MACROD2: variants seen among roughly 807,000 people sequenced by gnomAD.
The protein encoded by MACROD2 is mono-ADP ribosylhydrolase 2.
Under a neutral mutation model 70.4 loss-of-function variants are expected in MACROD2, and 36 were observed. The ratio of observed to expected loss-of-function variants is 0.51; its 90% CI spans 0.39 to 0.68. The LOEUF (loss-of-function observed/expected upper bound fraction) is 0.68. Among genes scored for constraint, MACROD2 ranks in the 30% least tolerant of loss-of-function variants. The pLI is 0.00. For synonymous variants in MACROD2, 172 were observed against 178.8 expected (o/e 0.96, Z 0.30); for missense variants, 496 against 538.4 (o/e 0.92, Z 0.78).
chr20:15,782,430 T>C (rs2051849387), intron 8 of MACROD2, among the ~76,000 whole-genome samples: 1 of 152,122 alleles, frequency 6.6e-6, no homozygotes. Context: ...AGGTCACTCA[T>C]GTAGCTACAT....
chr20:14,974,200 T>C (rs889054132), intron 5 of MACROD2, among the ~76,000 whole-genome samples: 2 of 152,000 alleles, frequency 1.3e-5, no homozygotes, highest in African/African-American at 2.4e-5. Flanking sequence ...GATAGCGGAG[T>C]AGGGGATTGT....
At chr20:15,646,088 A>G (rs1278535756) in intron 8 of MACROD2, among the ~76,000 whole-genome samples, 1 of 152,088 alleles carries the variant, frequency 6.6e-6, no homozygotes, top group Non-Finnish European at 1.5e-5. Context: ...TTCTTTTGTG[A>G]TTCACAGTGG....
At chr20:14,961,351 A>G (rs1251013238) in intron 5 of MACROD2, among the ~76,000 whole-genome samples, 2 of 152,192 alleles carry the variant, frequency 1.3e-5, no homozygotes, top group Non-Finnish European at 2.9e-5. Context: ...ATTTTCAGGA[A>G]TTATAGAATA....
chr20:14,655,498 C>G (rs541767302), intron 4 of MACROD2, among the ~76,000 whole-genome samples: 1 of 152,068 alleles, frequency 6.6e-6, no homozygotes, highest in Middle Eastern at 3.4e-3. Context: ...TTGGTCGGGT[C>G]TTGGTGTTAA....
chr20:15,192,727 T>C (rs1170942163), intron 5 of MACROD2, among the ~76,000 whole-genome samples: 2 of 152,334 alleles, frequency 1.3e-5, no homozygotes, highest in East Asian at 3.9e-4. Context: ...AGATCAAGTT[T>C]TACAGCAGCA....
At chr20:14,666,445 A>G (rs1183204384) in intron 4 of MACROD2, among the ~76,000 whole-genome samples, 1 of 152,124 alleles carries the variant, frequency 6.6e-6, no homozygotes, top group African/African-American at 2.4e-5. Context: ...TCTGTGCGAC[A>G]GAGCTCAGTA....
At chr20:15,636,861 A>G (rs1271449080) in intron 8 of MACROD2, among the ~76,000 whole-genome samples, 1 of 152,218 alleles carries the variant, frequency 6.6e-6, no homozygotes, top group East Asian at 1.9e-4. Flanking sequence ...GAGCTGTCAC[A>G]TGGGAGAGAT....
intron 6 of MACROD2, among the ~76,000 whole-genome samples, chr20:15,232,848 T>C (rs1909620971): frequency 6.6e-6 from 1 of 152,092 alleles, no homozygotes; most frequent in African/African-American, 2.4e-5. Flanking sequence ...GGATCCAACA[T>C]ATATATTCTT....
chr20:15,313,177 T>C (rs1338704234), intron 6 of MACROD2, among the ~76,000 whole-genome samples: 1 of 152,028 alleles, frequency 6.6e-6, no homozygotes, highest in Admixed American at 6.6e-5. Flanking sequence ...ATTTCAAAAG[T>C]TTTCACTGAA....
chr20:14,205,651 A>T (rs1335052167), intron 3 of MACROD2, among the ~76,000 whole-genome samples: 3 of 152,118 alleles, frequency 2.0e-5, no homozygotes, highest in African/African-American at 7.2e-5. Flanking sequence ...GTGCTAATGA[A>T]CTTGGTGGGT....
At chr20:15,907,682 C>T (rs1221599180) in intron 10 of MACROD2, among the ~76,000 whole-genome samples, 1 of 152,170 alleles carries the variant, frequency 6.6e-6, no homozygotes, top group Admixed American at 6.5e-5. Flanking sequence ...TGAGTGTGGA[C>T]AGTCATTTTG....
intron 3 of MACROD2, among the ~76,000 whole-genome samples, chr20:14,116,313 T>C (rs1380345771): frequency 6.6e-6 from 1 of 152,248 alleles, no homozygotes; most frequent in East Asian, 1.9e-4. Context: ...GATCAAAAGC[T>C]TTCTGAGGGC....
chr20:14,371,150 A>G (rs1329785375), intron 3 of MACROD2, among the ~76,000 whole-genome samples: 2 of 152,210 alleles, frequency 1.3e-5, no homozygotes, highest in African/African-American at 4.8e-5. Context: ...TACTTAAAAT[A>G]GAAAAATTTT....
intron 5 of MACROD2, among the ~76,000 whole-genome samples, chr20:14,854,989 C>G (rs187497916): frequency 6.6e-6 from 1 of 151,970 alleles, no homozygotes; most frequent in African/African-American, 2.4e-5. Context: ...GCACTCCAGC[C>G]TGGGCGACAG....
At chr20:15,303,457 G>A (rs996746891) in intron 6 of MACROD2, among the ~76,000 whole-genome samples, 4 of 152,202 alleles carry the variant, frequency 2.6e-5, no homozygotes, top group African/African-American at 4.8e-5. Flanking sequence ...TGCCCTAGAC[G>A]TTCATGTCAG....
chr20:14,690,136 A>G (rs1014654131), intron 5 of MACROD2, among the ~76,000 whole-genome samples: 1 of 152,166 alleles, frequency 6.6e-6, no homozygotes, highest in Non-Finnish European at 1.5e-5. Flanking sequence ...TTTTCAGCAT[A>G]GCTCACATGT....
chr20:15,471,877 C>T (rs1054579807), intron 7 of MACROD2, among the ~76,000 whole-genome samples: 1 of 152,118 alleles, frequency 6.6e-6, no homozygotes, highest in Non-Finnish European at 1.5e-5. Context: ...TTCATTCCCC[C>T]TTCCAAACTA....
intron 8 of MACROD2, among the ~76,000 whole-genome samples, chr20:15,595,889 G>A (rs1568918353): frequency 6.6e-6 from 1 of 152,090 alleles, no homozygotes; most frequent in East Asian, 1.9e-4. Context: ...CAACGTAATA[G>A]CCTAATTTAA....
intron 3 of MACROD2, among the ~76,000 whole-genome samples, chr20:14,329,857 A>G (rs1022500017): frequency 2.6e-5 from 4 of 151,970 alleles, no homozygotes; most frequent in African/African-American, 9.7e-5. Flanking sequence ...GCAGGTCTCA[A>G]TTCTCCCAAC....
Sources: gnomAD v4.1 joint callset for allele counts (sites outside exome capture counted in the v4.1 genomes callset) on GRCh38, gnomAD v4.1.1 for gene constraint, MANE v1.5 for transcripts, NCBI Gene and HGNC (gene_info 2026-07-23, HGNC 2026-07-21) for gene names.